IL1RAPL1: variants seen among roughly 807,000 people sequenced by gnomAD.
IL1RAPL1 encodes the protein interleukin-1 receptor accessory protein-like 1.
Under a neutral mutation model 48.4 loss-of-function variants are expected in IL1RAPL1, and 3 were observed. The observed-to-expected ratio is 0.06, with a 90% CI of 0.03 to 0.16. The LOEUF (loss-of-function observed/expected upper bound fraction) is 0.16. Ranked by LOEUF, IL1RAPL1 falls within the 10% of genes least tolerant of loss-of-function variation. IL1RAPL1 has a pLI of 1.00. For missense variants in IL1RAPL1, 349 were observed against 530.6 expected (o/e 0.66, Z 3.36); for synonymous variants, 185 against 187.7 (o/e 0.99, Z 0.12).
rs147436095 is a variant in IL1RAPL1, at chrX:28,805,050, T to A, written c.82+15625T>A. Among the ~76,000 whole-genome samples the A allele has an allele frequency of 2.7e-3, 295 of 110,470 alleles. 2 individuals are homozygous for A. The highest frequency in any genetic ancestry group is 8.7e-3 in the African/African-American group (265 of 30,395). Reference sequence around the variant, plus strand: ...GGAAGTCAGGAACCATTGAAGAAATTGCAGCAGAGCTTAGTAGGAATAACC... The same window carrying A: ...GGAAGTCAGGAACCATTGAAGAAATAGCAGCAGAGCTTAGTAGGAATAACC... On this transcript the variant is annotated intron_variant, in intron 2 of 10. Transcript: ENST00000378993.
At chrX:29,803,547 ATG>A (rs1228813615) in intron 6 of IL1RAPL1, among the ~76,000 whole-genome samples, 16 of 99,773 alleles carry the variant, frequency 1.6e-4, no homozygotes, top group East Asian at 1.3e-3. Flanking sequence ...ATATATGTAT[ATG>A]TGTGTATATA....
At chrX:28,694,835 C>T (rs1050813100) in intron 1 of IL1RAPL1, among the ~76,000 whole-genome samples, 10 of 111,540 alleles carry the variant, frequency 9.0e-5, no homozygotes, top group Non-Finnish European at 1.7e-4. Context: ...CCTGGATTTT[C>T]CTCAAGAGCA....
intron 5 of IL1RAPL1, among the ~76,000 whole-genome samples, chrX:29,431,422 G>C (rs779906452): frequency 1.8e-5 from 2 of 111,927 alleles, no homozygotes; most frequent in Admixed American, 1.9e-4. Context: ...TTGTTTAGTA[G>C]ATTTCTTGTG....
At chrX:29,571,237 A>AATG (rs751003988) in intron 5 of IL1RAPL1, among the ~76,000 whole-genome samples, 72 of 110,747 alleles carry the variant, frequency 6.5e-4, no homozygotes, top group Non-Finnish European at 1.2e-3. Context: ...TAATAATAAT[A>AATG]ATAATAATTT....
intron 6 of IL1RAPL1, among the ~76,000 whole-genome samples, chrX:29,906,987 G>A (rs895561912): frequency 9.0e-6 from 1 of 111,078 alleles, no homozygotes; most frequent in African/African-American, 3.3e-5. Context: ...TAGAATATAT[G>A]GGAGTATAAA....
chrX:28,628,987 T>C (rs1934371392), intron 1 of IL1RAPL1, among the ~76,000 whole-genome samples: 1 of 112,002 alleles, frequency 8.9e-6, no homozygotes, highest in Admixed American at 9.5e-5. Flanking sequence ...ATTTCTTCAT[T>C]TTATCCTAGG....
chrX:28,690,182 G>A (rs1935161782), intron 1 of IL1RAPL1, among the ~76,000 whole-genome samples: 1 of 111,542 alleles, frequency 9.0e-6, no homozygotes, highest in Non-Finnish European at 1.9e-5. Flanking sequence ...TCTAGCAGCA[G>A]TGGCTTCTCT....
At chrX:28,987,719 G>A (rs962876412) in intron 2 of IL1RAPL1, among the ~76,000 whole-genome samples, 1 of 112,013 alleles carries the variant, frequency 8.9e-6, no homozygotes, top group African/African-American at 3.2e-5. Context: ...GAAATCTTAT[G>A]TAGGAGGAAT....
intron 2 of IL1RAPL1, among the ~76,000 whole-genome samples, chrX:29,035,334 A>G (rs1284295053): frequency 6.2e-5 from 7 of 112,113 alleles, no homozygotes; most frequent in African/African-American, 1.6e-4. Context: ...TCCATGGAGC[A>G]GAATAATGAA....
At chrX:29,585,919 C>T (rs1923143046) in intron 5 of IL1RAPL1, among the ~76,000 whole-genome samples, 2 of 111,648 alleles carry the variant, frequency 1.8e-5, no homozygotes, top group South Asian at 3.7e-4. Flanking sequence ...GTAGGAGTTC[C>T]TTATGTATTT....
At chrX:28,803,735 C>T (rs1274772746) in intron 2 of IL1RAPL1, among the ~76,000 whole-genome samples, 1 of 111,736 alleles carries the variant, frequency 8.9e-6, no homozygotes, top group Non-Finnish European at 1.9e-5. Context: ...ATGCATGGAA[C>T]CTACTTCTTC....
chrX:29,758,119 ACATT>A lies in IL1RAPL1; in HGVS notation c.778+89617_778+89620del, dbSNP rs1367961144. ...AGATATCTAGCTATTCATCAAGTAG[ACATT>A]CCCTCCAAGGCACAAAGAAACACTG... On this transcript the variant is annotated intron_variant, in intron 6 of 10. Transcript: ENST00000378993. Among the ~76,000 whole-genome samples, 3 of 111,831 alleles carry A rather than the reference ACATT, an allele frequency of 2.7e-5. No individual in the cohort carries two copies. In the East Asian group the frequency reaches 8.4e-4, roughly 31 times the overall value.
At chrX:28,632,745 G>A (rs771228647) in intron 1 of IL1RAPL1, among the ~76,000 whole-genome samples, 19 of 111,713 alleles carry the variant, frequency 1.7e-4, no homozygotes, top group African/African-American at 6.2e-4. Context: ...TAAATTTAGT[G>A]AAGAGTGGCA....
chrX:29,691,620 T>A (rs1481882720), intron 6 of IL1RAPL1, among the ~76,000 whole-genome samples: 2 of 111,407 alleles, frequency 1.8e-5, no homozygotes, highest in African/African-American at 6.5e-5. Context: ...GGAAGGTTTC[T>A]CAGAGGAAGT....
chrX:29,346,884 G>A lies in IL1RAPL1; in HGVS notation c.363-49374G>A, dbSNP rs141766134. On this transcript the variant is annotated intron_variant, in intron 3 of 10. Coordinates refer to ENST00000378993, the MANE Select transcript of IL1RAPL1 (RefSeq NM_014271.4). ...TGTCACATTTTTAATGAGAATAACAGCTTAAAATCAAGAGTGAAACATATA... is the reference window on the plus strand; with the variant it reads ...TGTCACATTTTTAATGAGAATAACAACTTAAAATCAAGAGTGAAACATATA... 5.3e-3 allele frequency among the ~76,000 whole-genome samples: 597 copies of A among 112,079 alleles called. 4 individuals carry two copies. The highest frequency in any genetic ancestry group is 0.018 in the Middle Eastern group (4 of 217).
intron 2 of IL1RAPL1, among the ~76,000 whole-genome samples, chrX:29,117,219 T>C (rs1487696124): frequency 9.0e-6 from 1 of 111,541 alleles, no homozygotes; most frequent in African/African-American, 3.3e-5. Context: ...ACTTAATAAT[T>C]CAGTGACAAG....
At chrX:28,831,997 G>A (rs989282715) in intron 2 of IL1RAPL1, among the ~76,000 whole-genome samples, 3 of 110,264 alleles carry the variant, frequency 2.7e-5, no homozygotes, top group Admixed American at 9.7e-5. Context: ...ATAATTGTAC[G>A]CATTTATTGG....
chrX:28,872,099 T>C (rs1922220991), intron 2 of IL1RAPL1, among the ~76,000 whole-genome samples: 1 of 111,627 alleles, frequency 9.0e-6, no homozygotes, highest in African/African-American at 3.3e-5. Context: ...CCTCGACCTC[T>C]TGGACTCAAG....
intron 2 of IL1RAPL1, among the ~76,000 whole-genome samples, chrX:28,820,644 A>G (rs1194762260): frequency 8.9e-6 from 1 of 111,823 alleles, no homozygotes; most frequent in African/African-American, 3.2e-5. Flanking sequence ...AGAGAACTAC[A>G]TAACCAATGG....
Sources: gnomAD v4.1 joint callset for allele counts (sites outside exome capture counted in the v4.1 genomes callset) on GRCh38, gnomAD v4.1.1 for gene constraint, MANE v1.5 for transcripts, NCBI Gene and HGNC (gene_info 2026-07-23, HGNC 2026-07-21) for gene names.